GJB2: variants seen among roughly 807,000 people sequenced by gnomAD.
The protein encoded by GJB2 is gap junction beta-2 protein.
GJB2 carries 30 observed loss-of-function variants against 16.0 expected under a neutral mutation model. That is an observed-to-expected ratio of 1.88 (90% CI 1.41 to 2.55). The LOEUF (loss-of-function observed/expected upper bound fraction) is 2.55. GJB2 is among the 30% of genes most tolerant of loss of function. The pLI, the probability that GJB2 is intolerant of heterozygous loss-of-function variation, is 0.00. For missense variants in GJB2, 284 were observed against 289.7 expected, an observed-to-expected ratio of 0.98 and a Z score of 0.14; for synonymous variants, 123 against 119.1, an observed-to-expected ratio of 1.03 and a Z score of -0.21.
rs879253741 is a variant in GJB2 at position 20,189,516 on chromosome 13, C to T, written c.66G>A (p.Lys22=). ...GVNKHSTSIG[K]IWLTVLFIFR... ...AAATGAAGAGGACGGTGAGCCAGAT[C>T]TTTCCAATGCTGGTGGAGTGTTTGT... The change falls in exon 2 of 2, where the codon AAG becomes AAA. Residue 22 remains lysine (K), a synonymous_variant. Transcript: ENST00000382848. The T allele has an allele frequency of 5.6e-6, 9 of 1,614,116 alleles. No individual in the cohort carries two copies. The highest frequency in any genetic ancestry group is 7.6e-6 in the Non-Finnish European group (9 of 1,179,962).
rs570875894 is a variant in GJB2, at chr13:20,191,725, C to T, written c.-23+1058G>A. On this transcript the variant is annotated intron_variant, in intron 1 of 1. Coordinates refer to ENST00000382848, the MANE Select transcript of GJB2 (RefSeq NM_004004.6). ...CGCCTGGAGGGCTGCCAGAGGCCAG[C>T]GGAGGAGTTGGTTCAGTTCCTTAGG... 5.9e-5 allele frequency among the ~76,000 whole-genome samples: 9 copies of T among 152,300 alleles called. No individual in the cohort carries two copies. The South Asian group carries it at 6.2e-4, about 11-fold the overall frequency.
rs373684994 is a variant in GJB2 at position 20,189,107 on chromosome 13, C to A, written c.475G>T (p.Asp159Tyr). ...AFMYVFYVMY[D>Y]GFSMQRLVKC... ...ACCAGCCGCTGCATGGAGAAGCCGT[C>A]GTACATGACATAGAAGACGTACATG... The change falls in exon 2 of 2, where the codon GAC becomes TAC. Residue 159 changes from aspartate to tyrosine, a missense_variant. Physicochemically the swap from Asp to Tyr is radical, Grantham distance 160. Coordinates refer to ENST00000382848, the MANE Select transcript of GJB2 (RefSeq NM_004004.6). The A allele has an allele frequency of 8.7e-6, 14 of 1,614,000 alleles. No individual in the cohort carries two copies. The South Asian group carries it at 1.5e-4, about 18-fold the overall frequency.
chr13:20,191,183 G>A (rs1431666269), intron 1 of GJB2, among the ~76,000 whole-genome samples: 2 of 151,948 alleles, frequency 1.3e-5, no homozygotes, highest in African/African-American at 2.4e-5. Flanking sequence ...GGCCAGTCCC[G>A]TCCCAACAGC....
intron 1 of GJB2, among the ~76,000 whole-genome samples, chr13:20,191,007 T>C (rs1051295155): frequency 6.6e-6 from 1 of 152,148 alleles, no homozygotes; most frequent in Admixed American, 6.5e-5. Flanking sequence ...GAAAGTTACA[T>C]CAGATTGACA....
At position 20,189,088 on chromosome 13, in the gene GJB2, C is replaced by T. The variant is rs777588424; in HGVS notation, c.494G>A (p.Arg165Gln). The part of the protein sequence containing the change: ...YVMYDGFSMQ[R>Q]LVKCNAWPCP... ...AGGCCAGGCGTTGCACTTCACCAGC[C>T]GCTGCATGGAGAAGCCGTCGTACAT... The change falls in exon 2 of 2, where the codon CGG becomes CAG. Residue 165 changes from arginine (R) to glutamine (Q), a missense_variant. Coordinates refer to ENST00000382848, the MANE Select transcript of GJB2 (RefSeq NM_004004.6). 6.2e-6 allele frequency: 10 copies of T among 1,613,950 alleles called. No individual in the cohort carries two copies. The highest frequency in any genetic ancestry group is 5.5e-5 in the South Asian group (5 of 91,090).
Position 20,189,387 on chromosome 13 carries a change from G to A in GJB2, c.195C>T (p.Tyr65=), listed in dbSNP as rs763572195. 1.2e-5 allele frequency: 20 copies of A among 1,613,542 alleles called. No individual in the cohort carries two copies. Among genetic ancestry groups the A allele is most frequent in the South Asian group, 7.7e-5 (7 of 91,084 alleles). The change falls in exon 2 of 2, where the codon TAC becomes TAT. Residue 65 remains tyrosine (Y), a synonymous_variant. Coordinates refer to ENST00000382848, the MANE Select transcript of GJB2 (RefSeq NM_004004.6). ...TGTGGGAGATGGGGAAGTAGTGATC[G>A]TAGCACACGTTCTTGCAGCCTGGCT... ...TLQPGCKNVC[Y]DHYFPISHIR...
rs145216882 is a variant in GJB2 at position 20,189,341 on chromosome 13, G to C, written c.241C>G (p.Leu81Val). ...ISHIRLWALQLIFVSTPALLV... is the reference protein window; with the variant it reads ...ISHIRLWALQVIFVSTPALLV... Reference sequence around the variant, plus strand: ...AGCGCTGGCGTGGACACGAAGATCAGCTGCAGGGCCCATAGCCGGATGTGG... The same window carrying C: ...AGCGCTGGCGTGGACACGAAGATCACCTGCAGGGCCCATAGCCGGATGTGG... Residue 81 changes from leucine (L) to valine (V), a missense_variant, in exon 2 of 2, where the codon CTG becomes GTG. By Grantham distance (32) the Leu-to-Val change is conservative. Transcript: ENST00000382848. 2.7e-5 allele frequency: 43 copies of C among 1,614,028 alleles called. No individual in the cohort carries two copies. The African/African-American group carries it at 4.8e-4, about 18-fold the overall frequency.
At position 20,187,777 on chromosome 13, in the gene GJB2, T is replaced by C. The variant is rs1265663498; in HGVS notation, c.*1124A>G. ...TATTTTCACTTAAAAAATTGGAGGC[T>C]GAAGGGGTAAGCAAACAAACTTTTG... On this transcript the variant is annotated 3_prime_UTR_variant, in exon 2 of 2. Coordinates refer to ENST00000382848, the MANE Select transcript of GJB2 (RefSeq NM_004004.6). 1 of 152,216 alleles carries C rather than the reference T, an allele frequency of 6.6e-6. No individual in the cohort carries two copies. The highest frequency in any genetic ancestry group is 1.5e-5 in the Non-Finnish European group (1 of 68,030). 9.4% of individuals were successfully genotyped at this position (152,216 alleles called of 1,614,324 possible). A position where few individuals can be genotyped will look rare whatever the true frequency, so the allele number is the denominator to read the frequency against.
chr13:20,190,569 C>T (rs148449186), intron 1 of GJB2, among the ~76,000 whole-genome samples: 4 of 152,354 alleles, frequency 2.6e-5, no homozygotes, highest in African/African-American at 4.8e-5. Flanking sequence ...TGCAGTTCAG[C>T]GCTGAAGCTT....
Position 20,189,474 on chromosome 13 carries a change from G to T in GJB2, c.108C>A (p.Leu36=). Residue 36 remains leucine (L), a synonymous_variant, in exon 2 of 2, where the codon CTC becomes CTA. Coordinates refer to ENST00000382848, the MANE Select transcript of GJB2 (RefSeq NM_004004.6). ...TVLFIFRIMI[L]VVAAKEVWGD... is the part of the protein sequence containing the mutation. The stretch of plus-strand genomic sequence containing the variant: ...CCCACACCTCCTTTGCAGCCACAAC[G>T]AGGATCATAATGCGAAAAATGAAGA... 6.2e-7 allele frequency: 1 copy of T among 1,613,774 alleles called. No homozygotes were observed. The highest frequency in any genetic ancestry group is 8.5e-7 in the Non-Finnish European group (1 of 1,179,678).
At chr13:20,189,729 C>G (rs1959065561) in intron 1 of GJB2, 126 bp from the exon 2 acceptor site, 1 of 758,208 alleles carries the variant, frequency 1.3e-6, no homozygotes. Flanking sequence ...CTTACACAAC[C>G]TCACCAAAAC....
chr13:20,189,874 A>G (rs1382237365), intron 1 of GJB2: 4 of 477,736 alleles, frequency 8.4e-6, no homozygotes, highest in Non-Finnish European at 1.5e-5. Context: ...CTTTAAACAC[A>G]TCATAAAAAT....
intron 1 of GJB2, among the ~76,000 whole-genome samples, chr13:20,190,262 A>G (rs946821913): frequency 6.6e-6 from 1 of 152,232 alleles, no homozygotes; most frequent in Non-Finnish European, 1.5e-5. Context: ...AAAATTTTAC[A>G]AAGGACCTTG....
rs564084861 is a variant in GJB2 at position 20,189,482 on chromosome 13, T to A, written c.100A>T (p.Met34Leu). Reference sequence around the variant, plus strand: ...TCCTTTGCAGCCACAACGAGGATCATAATGCGAAAAATGAAGAGGACGGTG... The same window carrying A: ...TCCTTTGCAGCCACAACGAGGATCAAAATGCGAAAAATGAAGAGGACGGTG... ...WLTVLFIFRI[M>L]ILVVAAKEVW... The change falls in exon 2 of 2, where the codon ATG becomes TTG. Residue 34 changes from methionine (M) to leucine (L), a missense_variant. Coordinates refer to ENST00000382848, the MANE Select transcript of GJB2 (RefSeq NM_004004.6). 1 of 1,613,962 alleles carries A rather than the reference T, an allele frequency of 6.2e-7. No homozygotes were observed. The highest frequency in any genetic ancestry group is 2.2e-5 in the East Asian group (1 of 44,868).
At chr13:20,191,446 T>C (rs1457493048) in intron 1 of GJB2, among the ~76,000 whole-genome samples, 3 of 152,100 alleles carry the variant, frequency 2.0e-5, no homozygotes, top group Non-Finnish European at 2.9e-5. Context: ...CTGAGAAAAA[T>C]ACAGTTCCGA....
intron 1 of GJB2, 117 bp from the exon 2 acceptor site, chr13:20,189,720 T>C: frequency 1.3e-6 from 1 of 795,512 alleles, no homozygotes; most frequent in Admixed American, 2.0e-5. Flanking sequence ...ACACCAACTC[T>C]TACACAACCT....
At position 20,188,978 on chromosome 13, in the gene GJB2, A is replaced by G. The variant is rs1959055512; in HGVS notation, c.604T>C (p.Cys202Arg). The G allele has an allele frequency of 6.2e-7, 1 of 1,614,030 alleles. No homozygotes were observed. Among genetic ancestry groups the G allele is most frequent in the Non-Finnish European group, 8.5e-7 (1 of 1,179,956 alleles). The change falls in exon 2 of 2, where the codon TGC becomes CGC. Residue 202 changes from cysteine (C) to arginine (R), a missense_variant. Physicochemically the swap from Cys to Arg is radical, Grantham distance 180 (BLOSUM62 -3). Coordinates refer to ENST00000382848, the MANE Select transcript of GJB2 (RefSeq NM_004004.6). Reference protein sequence around the residue: ...TVFMIAVSGICILLNVTELCY... With the variant: ...TVFMIAVSGIRILLNVTELCY... Reference sequence around the variant, plus strand: ...AATTCAGTGACATTCAGCAGGATGCAAATTCCAGACACTGCAATCATGAAC... The same window carrying G: ...AATTCAGTGACATTCAGCAGGATGCGAATTCCAGACACTGCAATCATGAAC...
Position 20,189,047 on chromosome 13 carries a change from C to G in GJB2, c.535G>C (p.Asp179His), listed in dbSNP as rs28931595. The G allele has an allele frequency of 2.5e-6, 4 of 1,614,108 alleles. No individual in the cohort carries two copies. Among genetic ancestry groups the G allele is most frequent in the Non-Finnish European group, 3.4e-6 (4 of 1,180,026 alleles). ...CNAWPCPNTV[D>H]CFVSRPTEKT... is the part of the protein sequence containing the mutation. ...TCCGTGGGCCGGGACACAAAGCAGT[C>G]CACAGTGTTGGGACAAGGCCAGGCG... Residue 179 changes from aspartate (D) to histidine (H), a missense_variant, in exon 2 of 2, where the codon GAC becomes CAC. Coordinates refer to ENST00000382848, the MANE Select transcript of GJB2 (RefSeq NM_004004.6).
In GJB2 at chr13:20,188,918, A is replaced by T. The variant is rs776899164; in HGVS notation, c.664T>A (p.Ser222Thr). Residue 222 changes from serine (S) to threonine (T), a missense_variant, in exon 2 of 2, where the codon TCA becomes ACA. Physicochemically the swap from Ser to Thr is moderately conservative, Grantham distance 58. Transcript: ENST00000382848. ...YLLIRYCSGK[S>T]KKPV ...GCAATGCGTTAAACTGGCTTTTTTG[A>T]CTTCCCAGAACAATATCTAATTAGC... 1 of 1,613,172 alleles carries T rather than the reference A, an allele frequency of 6.2e-7. No individual in the cohort carries two copies. Among genetic ancestry groups the T allele is most frequent in the South Asian group, 1.1e-5 (1 of 91,078 alleles).
Sources: gnomAD v4.1 joint callset for allele counts (sites outside exome capture counted in the v4.1 genomes callset) on GRCh38, gnomAD v4.1.1 for gene constraint, MANE v1.5 for transcripts, NCBI Gene and HGNC (gene_info 2026-07-23, HGNC 2026-07-21) for gene names.